Variants in MED17 observed in about 807,000 individuals in gnomAD.
MED17 encodes the protein mediator complex subunit 17.
MED17 carries 49 observed loss-of-function variants against 80.8 expected under a neutral mutation model. That is an observed-to-expected ratio of 0.61 (90% CI 0.48 to 0.77). The LOEUF (loss-of-function observed/expected upper bound fraction) is 0.77, where lower values mean the gene tolerates loss of function less well. MED17 is among the 30% of genes least tolerant of loss of function. The pLI is 0.00. For missense variants in MED17, 718 were observed against 787.0 expected (o/e 0.91, Z 1.05); for synonymous variants, 281 against 280.4 (o/e 1.00, Z -0.02).
rs2135709504 is a variant in MED17 at position 93,788,089 on chromosome 11, T to C, written c.339T>C (p.Tyr113=). The part of the protein sequence containing the change: ...RSALTEMCVL[Y]DVLSIVRDKK... The stretch of plus-strand genomic sequence containing the variant: ...CCCTGACAGAGATGTGTGTTCTCTA[T>C]GATGTTCTCAGTATTGTTAGGGATA... The change falls in exon 2 of 12, where the codon TAT becomes TAC. Residue 113 remains tyrosine, a synonymous_variant. Coordinates refer to ENST00000251871, the MANE Select transcript of MED17 (RefSeq NM_004268.5). The C allele has an allele frequency of 1.2e-6, 2 of 1,613,686 alleles. No homozygotes were observed. Among genetic ancestry groups the C allele is most frequent in the Non-Finnish European group, 1.7e-6 (2 of 1,179,610 alleles).
intron 9 of MED17, among the ~76,000 whole-genome samples, chr11:93,804,544 CTA>C (rs1328611221): frequency 1.3e-5 from 2 of 152,172 alleles, no homozygotes; most frequent in Non-Finnish European, 2.9e-5. Context: ...CTAGGAAAGT[CTA>C]TGTATTTACA....
At chr11:93,794,869 A>G (rs370657428) in intron 5 of MED17, 39 bp from the exon 6 acceptor site, 95 of 1,601,834 alleles carry the variant, frequency 5.9e-5, no homozygotes, top group Non-Finnish European at 7.8e-5. Flanking sequence ...AATGCATAAT[A>G]TGGTTAGATA....
intron 1 of MED17, among the ~76,000 whole-genome samples, chr11:93,786,258 C>A (rs1332712190): frequency 4.6e-5 from 7 of 152,098 alleles, no homozygotes; most frequent in Non-Finnish European, 1.0e-4. Flanking sequence ...GGAGAGACTT[C>A]AGATACCAAT....
chr11:93,787,785 G>GAAAA (rs1943785575), intron 1 of MED17, among the ~76,000 whole-genome samples: 1 of 152,150 alleles, frequency 6.6e-6, no homozygotes. Context: ...TTAACCTGTG[G>GAAAA]AAATAGATGT....
chr11:93,785,061 T>A, intron 1 of MED17: 2 of 491,868 alleles, frequency 4.1e-6, no homozygotes, highest in Non-Finnish European at 7.3e-6. Context: ...GCACACTTAG[T>A]GGCTAAAAGA....
intron 9 of MED17, among the ~76,000 whole-genome samples, chr11:93,802,984 T>A (rs75749708): frequency 6.6e-5 from 10 of 152,168 alleles, no homozygotes; most frequent in Non-Finnish European, 1.3e-4. Flanking sequence ...ATTTTTAAAG[T>A]GTTAGTTGCT....
At chr11:93,801,443 T>C (rs1943961093) in intron 8 of MED17, 1 of 217,914 alleles carries the variant, frequency 4.6e-6, no homozygotes, top group Admixed American at 5.2e-5. Context: ...TCCCAAGTCA[T>C]TTGTTACCAG....
intron 9 of MED17, among the ~76,000 whole-genome samples, chr11:93,803,665 T>A (rs928352537): frequency 6.6e-6 from 1 of 152,132 alleles, no homozygotes; most frequent in Non-Finnish European, 1.5e-5. Context: ...GCCCTCCTAC[T>A]GTTTGTGTTT....
intron 1 of MED17, among the ~76,000 whole-genome samples, chr11:93,787,424 AAAAAG>A (rs1943782487): frequency 6.6e-6 from 1 of 152,126 alleles, no homozygotes; most frequent in Non-Finnish European, 1.5e-5. Flanking sequence ...AAAAGAAAAA[AAAAAG>A]AAAAGAAAGG....
chr11:93,792,723 C>T (rs1249830283), intron 3 of MED17, among the ~76,000 whole-genome samples: 1 of 152,052 alleles, frequency 6.6e-6, no homozygotes, highest in Non-Finnish European at 1.5e-5. Context: ...GGGAGGATTG[C>T]TTGAGCCCAG....
intron 10 of MED17, 154 bp downstream of exon 10, chr11:93,807,789 A>T: frequency 5.8e-6 from 4 of 687,962 alleles, no homozygotes; most frequent in South Asian, 1.5e-5. Flanking sequence ...TCTAATGCAC[A>T]TTTTACAACC....
intron 10 of MED17, chr11:93,808,283 A>G (rs1306598037): frequency 1.3e-5 from 2 of 150,854 alleles, no homozygotes; most frequent in Non-Finnish European, 1.5e-5. Context: ...GGGTTGCCTG[A>G]GCCTGGGTGT....
Position 93,797,581 on chromosome 11 carries a change from G to T in MED17, c.1190G>T (p.Ser397Ile). ...TCCATCATGATGCCTCATCCAGCAA[G>T]TGCACCTTTTGGCCACAAGAGAATG... ...LSSIMMPHPASAPFGHKRMRL... is the reference protein window; with the variant it reads ...LSSIMMPHPAIAPFGHKRMRL... Residue 397 changes from serine (S) to isoleucine (I), a missense_variant, in exon 8 of 12, where the codon AGT (serine) becomes ATT (isoleucine). Transcript: ENST00000251871. 6.2e-7 allele frequency: 1 copy of T among 1,614,110 alleles called. No homozygotes were observed. The highest frequency in any genetic ancestry group is 8.5e-7 in the Non-Finnish European group (1 of 1,180,016).
chr11:93,813,955 T>C lies in MED17; in HGVS notation c.*1891T>C, dbSNP rs976105325. ...GTCTTGAACTCCTGGCCTCAATTGA[T>C]CCGCCCACCTCGGCCTCCCAAAGTG... On this transcript the variant is annotated 3_prime_UTR_variant, in exon 12 of 12. Coordinates refer to ENST00000251871, the MANE Select transcript of MED17 (RefSeq NM_004268.5). 2 of 152,166 alleles carry C rather than the reference T, an allele frequency of 1.3e-5. No individual in the cohort carries two copies. The highest frequency in any genetic ancestry group is 2.9e-5 in the Non-Finnish European group (2 of 68,048). The allele number at this position is 152,166 out of a possible 1,614,324, so 9.4% of individuals were successfully genotyped here.
chr11:93,811,695 T>C, intron 11 of MED17, 158 bp from the exon 12 acceptor site: 1 of 638,800 alleles, frequency 1.6e-6, no homozygotes, highest in Non-Finnish European at 2.8e-6. Context: ...AGAGTTTTTC[T>C]CTTGCATGTT....
intron 2 of MED17, among the ~76,000 whole-genome samples, chr11:93,789,982 T>A (rs1943815419): frequency 1.3e-5 from 2 of 152,192 alleles, no homozygotes; most frequent in Admixed American, 1.3e-4. Flanking sequence ...TAATGCTGTG[T>A]GATTTTAGTC....
intron 1 of MED17, among the ~76,000 whole-genome samples, chr11:93,785,419 A>G (rs780452858): frequency 2.0e-5 from 3 of 152,132 alleles, no homozygotes; most frequent in Non-Finnish European, 4.4e-5. Flanking sequence ...TGGGTTTCAG[A>G]TTCTCATTAT....
chr11:93,790,938 C>T lies in MED17; in HGVS notation c.637+145C>T, dbSNP rs576880964. ...CCCAGGCAACATGGCAAAACCCTATCTCTACCAAAAATGCAAAAAATTAGC... is the reference window on the plus strand; with the variant it reads ...CCCAGGCAACATGGCAAAACCCTATTTCTACCAAAAATGCAAAAAATTAGC... On this transcript the variant is annotated intron_variant, in intron 3 of 11. Coordinates refer to ENST00000251871, the MANE Select transcript of MED17 (RefSeq NM_004268.5). 3 of 743,352 alleles carry T rather than the reference C, an allele frequency of 4.0e-6. No individual in the cohort carries two copies. In the South Asian group the frequency reaches 5.0e-5, roughly 12 times the overall value. The allele number at this position is 743,352 out of a possible 1,614,324, so 46.0% of individuals were successfully genotyped here. A position where few individuals can be genotyped will look rare whatever the true frequency, so the allele number is the denominator to read the frequency against.
At chr11:93,804,801 ACT>A (rs1171708553) in intron 9 of MED17, among the ~76,000 whole-genome samples, 2 of 152,118 alleles carry the variant, frequency 1.3e-5, no homozygotes, top group African/African-American at 4.8e-5. Context: ...CCAAAAAGAA[ACT>A]CTACATATTA....
Sources: allele counts gnomAD v4.1 joint callset (sites outside exome capture counted in the v4.1 genomes callset), GRCh38; gene constraint gnomAD v4.1.1; transcripts MANE v1.5; gene names NCBI Gene and HGNC (gene_info 2026-07-23, HGNC 2026-07-21).